The following GRK2 variants were observed in gnomAD, a reference collection of about 807,000 sequenced individuals.
GRK2 encodes the protein adrenergic beta receptor kinase 1.
GRK2 carries 23 observed loss-of-function variants against 97.8 expected under a neutral mutation model. That is an observed-to-expected ratio of 0.24 (90% CI 0.17 to 0.33). The LOEUF (loss-of-function observed/expected upper bound fraction) is 0.33. GRK2 is among the 10% of genes least tolerant of loss of function. The probability of loss-of-function intolerance (pLI) is 1.00; values close to 1 mark genes in which losing one functional copy is unlikely to be tolerated. For missense variants in GRK2, 633 were observed against 956.9 expected (o/e 0.66, Z 4.47); for synonymous variants, 425 against 381.7 (o/e 1.11, Z -1.32).
chr11:67,280,927 C>T (rs1018229902), intron 7 of GRK2, 144 bp downstream of exon 7: 21 of 1,171,824 alleles, frequency 1.8e-5, no homozygotes, highest in East Asian at 4.7e-5. Flanking sequence ...GGGTCAGGGC[C>T]GGGATCCCAG....
At position 67,276,306 on chromosome 11, in the gene GRK2, G is replaced by A. The variant is rs914798780; in HGVS notation, c.114-966G>A. On this transcript the variant is annotated intron_variant, in intron 1 of 20. Coordinates refer to ENST00000308595, the MANE Select transcript of GRK2 (RefSeq NM_001619.5). The surrounding 1 kb of genome is among the most constrained non-coding windows in gnomAD (Gnocchi z 4.2). ...CCTCAGCTGGCTGTTGGGACAGACC[G>A]GCAGGGCTGGGCTTGAGGTGGGCCA... is the stretch of plus-strand genomic sequence containing the variant. 2.0e-5 allele frequency among the ~76,000 whole-genome samples: 3 copies of A among 152,194 alleles called. No individual in the cohort carries two copies. The highest frequency in any genetic ancestry group is 4.8e-5 in the African/African-American group (2 of 41,436).
rs141112598 is a variant in GRK2, at chr11:67,269,267, C to G, written c.113+2455C>G. Among the ~76,000 whole-genome samples the G allele has an allele frequency of 1.2e-3, 178 of 151,822 alleles. No homozygotes were observed. Among genetic ancestry groups the G allele is most frequent in the African/African-American group, 4.1e-3 (169 of 41,418 alleles). On this transcript the variant is annotated intron_variant, in intron 1 of 20. Coordinates refer to ENST00000308595, the MANE Select transcript of GRK2 (RefSeq NM_001619.5). This position sits in a 1 kb window ranked among gnomAD's most constrained non-coding sequence, Gnocchi z 4.1. Reference sequence around the variant, plus strand: ...TTCCACTTGCAGAGTGCTTTTTACTCTGTTTTGTCCTTTTGACAACTGTGA... The same window carrying G: ...TTCCACTTGCAGAGTGCTTTTTACTGTGTTTTGTCCTTTTGACAACTGTGA...
chr11:67,280,085 T>C, intron 6 of GRK2, 185 bp downstream of exon 6: 2 of 631,534 alleles, frequency 3.2e-6, no homozygotes, highest in East Asian at 2.8e-5. Context: ...TCTCCCACCC[T>C]GCCCTCCTCA....
Position 67,285,000 on chromosome 11 carries a change from G to C in GRK2, c.1791+17G>C. On this transcript the variant is annotated intron_variant, in intron 19 of 20. Transcript: ENST00000308595. Reference sequence around the variant, plus strand: ...GAGGCCCCGGTAAGGAGCCCGTGCGGGGGTCCGGGAGCCGGGCTTCCGGGT... The same window carrying C: ...GAGGCCCCGGTAAGGAGCCCGTGCGCGGGTCCGGGAGCCGGGCTTCCGGGT... The C allele has an allele frequency of 6.2e-7, 1 of 1,612,354 alleles. No homozygotes were observed. Among genetic ancestry groups the C allele is most frequent in the Non-Finnish European group, 8.5e-7 (1 of 1,179,646 alleles).
chr11:67,271,272 A>G (rs1859901771), intron 1 of GRK2, among the ~76,000 whole-genome samples: 1 of 152,240 alleles, frequency 6.6e-6, no homozygotes, highest in South Asian at 2.1e-4. Flanking sequence ...CAACTGAGAT[A>G]CTAAAAATGA....
In GRK2 at chr11:67,281,406, C is replaced by A. The variant is rs760586522; in HGVS notation, c.648-53C>A. ...TTCCCTCAAGCGCCCCCTGAGGCAG[C>A]CCTGGGCCCCTGCTCTGAGGGTGGG... On this transcript the variant is annotated intron_variant, in intron 8 of 20. Transcript: ENST00000308595. The surrounding 1 kb of genome is among the most constrained non-coding windows in gnomAD (Gnocchi z 5.7). 1.4e-5 allele frequency: 21 copies of A among 1,530,392 alleles called. No homozygotes were observed. Among genetic ancestry groups the A allele is most frequent in the Middle Eastern group, 3.4e-4 (2 of 5,930 alleles). The allele number at this position is 1,530,392 out of a possible 1,614,324, so 94.8% of individuals were successfully genotyped here. A position where few individuals can be genotyped will look rare whatever the true frequency, so the allele number is the denominator to read the frequency against.
rs1263044568 is a variant in GRK2 at position 67,279,187 on chromosome 11, C to G, written c.191-13C>G. On this transcript the variant is annotated splice_polypyrimidine_tract_variant and intron_variant, in intron 2 of 20. Coordinates refer to ENST00000308595, the MANE Select transcript of GRK2 (RefSeq NM_001619.5). ...AGAGGCGTGGCTCTGTGACCTTACACTGTTGCCTTCAGGGTACCTGCTCTT... is the reference window on the plus strand; with the variant it reads ...AGAGGCGTGGCTCTGTGACCTTACAGTGTTGCCTTCAGGGTACCTGCTCTT... The G allele has an allele frequency of 1.9e-6, 3 of 1,611,514 alleles. No individual in the cohort carries two copies. The highest frequency in any genetic ancestry group is 2.5e-6 in the Non-Finnish European group (3 of 1,178,716).
Position 67,283,150 on chromosome 11 carries a change from T to G in GRK2, c.1250T>G (p.Phe417Cys). The change falls in exon 15 of 21, where the codon TTC becomes TGC. Residue 417 changes from phenylalanine (F) to cysteine (C), a missense_variant. Coordinates refer to ENST00000308595, the MANE Select transcript of GRK2 (RefSeq NM_001619.5). ...LTMAVELPDSFSPELRSLLEG... is the reference protein window; with the variant it reads ...LTMAVELPDSCSPELRSLLEG... ...AAGGCCGTGGAGCTGCCCGACTCCT[T>G]CTCCCCTGAACTACGCTCCCTGCTG... 6.2e-7 allele frequency: 1 copy of G among 1,613,942 alleles called. No individual in the cohort carries two copies. Among genetic ancestry groups the G allele is most frequent in the Non-Finnish European group, 8.5e-7 (1 of 1,179,972 alleles).
intron 1 of GRK2, among the ~76,000 whole-genome samples, chr11:67,268,444 C>T (rs906590782): frequency 1.3e-5 from 2 of 152,068 alleles, no homozygotes; most frequent in African/African-American, 2.4e-5. Flanking sequence ...GGAGCAGTGA[C>T]GGTTAGTACA....
Position 67,267,550 on chromosome 11 carries a change from C to T in GRK2, c.113+738C>T, listed in dbSNP as rs142815613. ...CCCTACATTTCTCCTCTGGCAGGCC[C>T]TGCATATGGTGCCCCGTGGGTGCTG... On this transcript the variant is annotated intron_variant, in intron 1 of 20. Coordinates refer to ENST00000308595, the MANE Select transcript of GRK2 (RefSeq NM_001619.5). Among the ~76,000 whole-genome samples the T allele has an allele frequency of 1.4e-3, 216 of 152,348 alleles. 4 individuals are homozygous for T. In the East Asian group the frequency reaches 0.03, roughly 21 times the overall value.
chr11:67,283,047 C>T (rs1467196886), intron 14 of GRK2, 81 bp from the exon 15 acceptor site: 2 of 1,430,742 alleles, frequency 1.4e-6, no homozygotes, highest in East Asian at 4.6e-5. Flanking sequence ...CTGCGGGGGC[C>T]TGGACCCCTC....
At position 67,282,702 on chromosome 11, in the gene GRK2, CT is replaced by C. The variant is rs778255758; in HGVS notation, c.1161-47del. On this transcript the variant is annotated intron_variant, in intron 13 of 20. Transcript: ENST00000308595. This position sits in a 1 kb window ranked among gnomAD's most constrained non-coding sequence, Gnocchi z 6.9. The stretch of plus-strand genomic sequence containing the variant: ...CAGCTCATCCATGCTGCCTGCCTCC[CT>C]TTCCCCATTCCTGTCCTTTGACATT... 1 of 1,603,890 alleles carries C rather than the reference CT, an allele frequency of 6.2e-7. No homozygotes were observed. Among genetic ancestry groups the C allele is most frequent in the Non-Finnish European group, 8.5e-7 (1 of 1,174,908 alleles).
chr11:67,282,525 C>T lies in GRK2; in HGVS notation c.1143C>T (p.Leu381=), dbSNP rs769351724. The T allele has an allele frequency of 1.8e-5, 29 of 1,613,552 alleles. No individual in the cohort carries two copies. The highest frequency in any genetic ancestry group is 6.7e-5 in the African/African-American group (5 of 74,946). ...ACTGGTTCTCTCTGGGGTGCATGCT[C>T]TTCAAGTTGCTGCGGGGGTGAGTGG... is the stretch of plus-strand genomic sequence containing the variant. ...SADWFSLGCM[L]FKLLRGHSPF... Residue 381 remains leucine (L), a synonymous_variant, in exon 13 of 21, where the codon CTC becomes CTT. Coordinates refer to ENST00000308595, the MANE Select transcript of GRK2 (RefSeq NM_001619.5). The surrounding 1 kb of genome is among the most constrained non-coding windows in gnomAD (Gnocchi z 6.9).
chr11:67,281,908 C>T lies in GRK2; in HGVS notation c.913C>T (p.Leu305=). ...CTATGCGGCCGAGATCATCCTGGGC[C>T]TGGAGCACATGCACAACCGCTTCGT... The part of the protein sequence containing the change: ...RFYAAEIILG[L]EHMHNRFVVY... The change falls in exon 11 of 21, where the codon CTG becomes TTG. Residue 305 remains leucine, a synonymous_variant. Coordinates refer to ENST00000308595, the MANE Select transcript of GRK2 (RefSeq NM_001619.5). The surrounding 1 kb of genome is among the most constrained non-coding windows in gnomAD (Gnocchi z 5.7). 1 of 1,613,558 alleles carries T rather than the reference C, an allele frequency of 6.2e-7. No individual in the cohort carries two copies. Among genetic ancestry groups the T allele is most frequent in the Non-Finnish European group, 8.5e-7 (1 of 1,179,982 alleles).
intron 1 of GRK2, among the ~76,000 whole-genome samples, chr11:67,267,414 T>C (rs539738140): frequency 2.7e-4 from 41 of 152,270 alleles, no homozygotes; most frequent in Non-Finnish European, 5.1e-4. Context: ...TGTCCTGGAG[T>C]TGGGCTCGAG....
rs745826049 is a variant in GRK2, at chr11:67,276,982, G to C, written c.114-290G>C. The C allele has an allele frequency of 2.0e-5, 6 of 293,440 alleles. No homozygotes were observed. The highest frequency in any genetic ancestry group is 3.2e-5 in the Non-Finnish European group (5 of 155,924). The allele number at this position is 293,440 out of a possible 1,614,324, so 18.2% of individuals were successfully genotyped here. The stretch of plus-strand genomic sequence containing the variant: ...CTTGGCCAAGTTCCCAAAGCCAGCC[G>C]GTGGCATCACTGGGACGAGACCCCA... On this transcript the variant is annotated intron_variant, in intron 1 of 20. Transcript: ENST00000308595. This position sits in a 1 kb window ranked among gnomAD's most constrained non-coding sequence, Gnocchi z 4.2.
In GRK2 at chr11:67,281,982, C is replaced by G; in HGVS notation, c.957+30C>G. On this transcript the variant is annotated intron_variant, in intron 11 of 20. Coordinates refer to ENST00000308595, the MANE Select transcript of GRK2 (RefSeq NM_001619.5). This position sits in a 1 kb window ranked among gnomAD's most constrained non-coding sequence, Gnocchi z 5.7. ...GCGCCCCTGCTGTCCCCAGGCTGGA[C>G]CTCCGTGGCTGTCCTCTCCTTCCTC... The G allele has an allele frequency of 6.2e-7, 1 of 1,612,392 alleles. No homozygotes were observed. Among genetic ancestry groups the G allele is most frequent in the Non-Finnish European group, 8.5e-7 (1 of 1,179,524 alleles).
At chr11:67,277,062 G>T (rs1860046176) in intron 1 of GRK2, 2 of 478,512 alleles carry the variant, frequency 4.2e-6, no homozygotes, top group Non-Finnish European at 7.5e-6. Context: ...GGCCTTTGAG[G>T]ACACAGCCTG....
In GRK2 at chr11:67,282,624, G is replaced by A. The variant is rs1860179326; in HGVS notation, c.1160+82G>A. On this transcript the variant is annotated intron_variant, in intron 13 of 20. Coordinates refer to ENST00000308595, the MANE Select transcript of GRK2 (RefSeq NM_001619.5). The surrounding 1 kb of genome is among the most constrained non-coding windows in gnomAD (Gnocchi z 6.9). Reference sequence around the variant, plus strand: ...AATCCAGGTGGGATGCCAAAGGAGGGGAGCCCATAGCTGCCTTGGTGGTAG... The same window carrying A: ...AATCCAGGTGGGATGCCAAAGGAGGAGAGCCCATAGCTGCCTTGGTGGTAG... The A allele has an allele frequency of 1.9e-6, 3 of 1,562,554 alleles. No homozygotes were observed. Among genetic ancestry groups the A allele is most frequent in the East Asian group, 2.2e-5 (1 of 44,540 alleles).
Sources: gnomAD v4.1 joint callset for allele counts (sites outside exome capture counted in the v4.1 genomes callset) on GRCh38, gnomAD v4.1.1 for gene constraint, Gnocchi (gnomAD v3.1) non-coding constraint, MANE v1.5 for transcripts, NCBI Gene and HGNC (gene_info 2026-07-23, HGNC 2026-07-21) for gene names.